CTNND2: variants seen among roughly 807,000 people sequenced by gnomAD.
CTNND2 encodes the protein catenin delta 2, also known as catenin delta-2.
Under a neutral mutation model 144.4 loss-of-function variants are expected in CTNND2, and 22 were observed. That is an observed-to-expected ratio of 0.15 (90% CI 0.11 to 0.22). CTNND2 has a LOEUF of 0.22. CTNND2 is among the 10% of genes least tolerant of loss of function. CTNND2 has a pLI of 1.00. For missense variants in CTNND2, 1,353 were observed against 1,618.8 expected (o/e 0.84, Z 2.82); for synonymous variants, 751 against 695.6 (o/e 1.08, Z -1.25).
chr5:11,303,965 T>C (rs1749882634), intron 9 of CTNND2, among the ~76,000 whole-genome samples: 1 of 152,136 alleles, frequency 6.6e-6, no homozygotes, highest in Admixed American at 6.5e-5. Flanking sequence ...CTGATGGTTT[T>C]ATAAGGAAAA....
At position 11,700,568 on chromosome 5, in the gene CTNND2, C is replaced by T. The variant is rs1785383726; in HGVS notation, c.174+31568G>A. Reference sequence around the variant, plus strand: ...GGTGAGAATGTGCCTCGGGGTGATGCACATTTGTGAGCTCTTTTCATCGGC... The same window carrying T: ...GGTGAGAATGTGCCTCGGGGTGATGTACATTTGTGAGCTCTTTTCATCGGC... On this transcript the variant is annotated intron_variant, in intron 2 of 21. Coordinates refer to ENST00000304623, the MANE Select transcript of CTNND2 (RefSeq NM_001332.4). Among the ~76,000 whole-genome samples, 4 of 152,122 alleles carry T rather than the reference C, an allele frequency of 2.6e-5. No individual in the cohort carries two copies. In the South Asian group the frequency reaches 6.2e-4, roughly 24 times the overall value.
At chr5:11,333,530 T>C (rs541531391) in intron 9 of CTNND2, among the ~76,000 whole-genome samples, 30 of 152,252 alleles carry the variant, frequency 2.0e-4, no homozygotes, top group South Asian at 4.2e-4. Flanking sequence ...CAGATGATAT[T>C]AGAGGGAAAG....
At chr5:11,826,974 T>C (rs955917902) in intron 1 of CTNND2, among the ~76,000 whole-genome samples, 1 of 152,044 alleles carries the variant, frequency 6.6e-6, no homozygotes, top group African/African-American at 2.4e-5. Context: ...TCAATGAACA[T>C]GATGTCATTG....
intron 2 of CTNND2, among the ~76,000 whole-genome samples, chr5:11,661,093 T>C (rs566829387): frequency 6.6e-6 from 1 of 152,300 alleles, no homozygotes; most frequent in African/African-American, 2.4e-5. Flanking sequence ...AGTGAGTGGC[T>C]TTCCGAATGG....
chr5:11,443,530 G>A (rs1764535378), intron 3 of CTNND2, among the ~76,000 whole-genome samples: 1 of 151,842 alleles, frequency 6.6e-6, no homozygotes, highest in Non-Finnish European at 1.5e-5. Flanking sequence ...TACAGGCTAA[G>A]TTCTCTAGTT....
chr5:11,456,540 A>G (rs1765753525), intron 3 of CTNND2, among the ~76,000 whole-genome samples: 1 of 152,108 alleles, frequency 6.6e-6, no homozygotes, highest in Non-Finnish European at 1.5e-5. Context: ...GCACACATCT[A>G]TATTTCAACC....
intron 14 of CTNND2, among the ~76,000 whole-genome samples, chr5:11,109,678 C>A (rs916240714): frequency 1.3e-5 from 2 of 152,074 alleles, no homozygotes; most frequent in African/African-American, 4.8e-5. Flanking sequence ...CTGAAAAAAA[C>A]CATACACTTT....
chr5:11,563,185 G>A (rs1187590054), intron 3 of CTNND2, among the ~76,000 whole-genome samples: 1 of 152,188 alleles, frequency 6.6e-6, no homozygotes, highest in Admixed American at 6.5e-5. Flanking sequence ...TCCTATCAGG[G>A]GCTGGAGTTG....
chr5:11,081,865 T>C (rs1421328300), intron 16 of CTNND2, among the ~76,000 whole-genome samples: 1 of 152,160 alleles, frequency 6.6e-6, no homozygotes, highest in Admixed American at 6.5e-5. Flanking sequence ...GGAACAGTGT[T>C]TGCCTTTGGG....
At chr5:11,892,444 C>T (rs975450487) in intron 1 of CTNND2, among the ~76,000 whole-genome samples, 1 of 152,262 alleles carries the variant, frequency 6.6e-6, no homozygotes, top group African/African-American at 2.4e-5. Flanking sequence ...AGCAGACAAA[C>T]TGAAATTACT....
At chr5:11,607,229 A>G (rs1258234505) in intron 2 of CTNND2, among the ~76,000 whole-genome samples, 1 of 152,130 alleles carries the variant, frequency 6.6e-6, no homozygotes, top group African/African-American at 2.4e-5. Context: ...AGAACTGTGA[A>G]ACAATCATCT....
At chr5:11,587,331 AATAAAC>A (rs1778941114) in intron 2 of CTNND2, among the ~76,000 whole-genome samples, 1 of 152,136 alleles carries the variant, frequency 6.6e-6, no homozygotes, top group Non-Finnish European at 1.5e-5. Flanking sequence ...GCTTTAAGAC[AATAAAC>A]ATAAACTTTT....
At chr5:11,135,505 C>A (rs913411249) in intron 12 of CTNND2, among the ~76,000 whole-genome samples, 1 of 152,130 alleles carries the variant, frequency 6.6e-6, no homozygotes, top group Admixed American at 6.5e-5. Flanking sequence ...CTATATCACA[C>A]AAATGTACAT....
At chr5:11,423,341 G>C (rs1050112748) in intron 3 of CTNND2, among the ~76,000 whole-genome samples, 2 of 152,238 alleles carry the variant, frequency 1.3e-5, no homozygotes, top group African/African-American at 2.4e-5. Context: ...AGAGTGAAGA[G>C]AGAGCTCACT....
At chr5:11,655,113 C>G (rs558784437) in intron 2 of CTNND2, among the ~76,000 whole-genome samples, 2 of 152,098 alleles carry the variant, frequency 1.3e-5, no homozygotes, top group East Asian at 1.9e-4. Context: ...TTTCAACATT[C>G]AAAATTTATC....
rs570291243 is a variant in CTNND2 at position 11,360,143 on chromosome 5, C to A, written c.1372+4553G>T. The stretch of plus-strand genomic sequence containing the variant: ...TAAATTAGTCTTCATAATAAAGTAA[C>A]AGGCATGGATGGATTACTTATGACA... On this transcript the variant is annotated intron_variant, in intron 8 of 21. Coordinates refer to ENST00000304623, the MANE Select transcript of CTNND2 (RefSeq NM_001332.4). Among the ~76,000 whole-genome samples, 2 of 152,118 alleles carry A rather than the reference C, an allele frequency of 1.3e-5. 1 individual carries two copies. Among genetic ancestry groups the A allele is most frequent in the South Asian group, 4.2e-4 (2 of 4,810 alleles).
At chr5:11,246,215 G>C (rs10474914) in intron 9 of CTNND2, among the ~76,000 whole-genome samples, 1 of 152,216 alleles carries the variant, frequency 6.6e-6, no homozygotes, top group Non-Finnish European at 1.5e-5. Flanking sequence ...TGTACTATTT[G>C]TCAGATAGTG....
chr5:11,187,219 C>G (rs1300885173), intron 11 of CTNND2, among the ~76,000 whole-genome samples: 6 of 152,126 alleles, frequency 3.9e-5, no homozygotes, highest in Non-Finnish European at 7.4e-5. Context: ...CATAGCACAA[C>G]TAACTACAAC....
At chr5:11,096,157 A>G (rs1561295626) in intron 15 of CTNND2, among the ~76,000 whole-genome samples, 2 of 152,096 alleles carry the variant, frequency 1.3e-5, no homozygotes, top group Non-Finnish European at 2.9e-5. Context: ...ATTTTTGTTC[A>G]GGCATTATAT....
Sources: allele counts gnomAD v4.1 joint callset (sites outside exome capture counted in the v4.1 genomes callset), GRCh38; gene constraint gnomAD v4.1.1; transcripts MANE v1.5; gene names NCBI Gene and HGNC (gene_info 2026-07-23, HGNC 2026-07-21).